TOR1AIP2: variants seen among roughly 807,000 people sequenced by gnomAD.
The protein encoded by TOR1AIP2 is torsin-1A-interacting protein 2.
In TOR1AIP2, 20 loss-of-function variants were observed where a neutral mutation model predicts 32.6. The observed-to-expected ratio is 0.61, with a 90% confidence interval of 0.43 to 0.89. The LOEUF is 0.89. Ranked by LOEUF, TOR1AIP2 falls within the 40% of genes least tolerant of loss-of-function variation. The pLI is 0.00. For missense variants in TOR1AIP2, 456 were observed against 553.8 expected, an observed-to-expected ratio of 0.82 and a Z score of 1.77; for synonymous variants, 214 against 210.8, an observed-to-expected ratio of 1.02 and a Z score of -0.13.
intron 3 of TOR1AIP2, chr1:179,861,989 G>A: frequency 4.1e-6 from 4 of 985,204 alleles, no homozygotes; most frequent in Non-Finnish European, 4.8e-6. Flanking sequence ...TACATGCCAT[G>A]GCACCCGGCA....
chr1:179,846,344 C>T lies in TOR1AIP2; in HGVS notation c.1140G>A (p.Lys380=). The part of the protein sequence containing the change: ...FPAGSTLIFY[K]YCDHENAAFK... ...AGGCAGCATTCTCATGATCACAATACTTATAGAAGATCAAAGTGGAGCCGG... is the reference window on the plus strand; with the variant it reads ...AGGCAGCATTCTCATGATCACAATATTTATAGAAGATCAAAGTGGAGCCGG... Residue 380 remains lysine, a synonymous_variant, in exon 7 of 7, where the codon AAG becomes AAA. Coordinates refer to ENST00000609928, the MANE Select transcript of TOR1AIP2 (RefSeq NM_001199260.2). The T allele has an allele frequency of 1.2e-6, 2 of 1,614,216 alleles. No homozygotes were observed. Among genetic ancestry groups the T allele is most frequent in the East Asian group, 2.2e-5 (1 of 44,896 alleles).
chr1:179,855,126 G>T (rs1339789964), intron 3 of TOR1AIP2, among the ~76,000 whole-genome samples: 1 of 152,116 alleles, frequency 6.6e-6, no homozygotes, highest in African/African-American at 2.4e-5. Flanking sequence ...AGACCTAAAT[G>T]TAAACAGCAA....
chr1:179,846,847 A>T lies in TOR1AIP2; in HGVS notation c.656-19T>A, dbSNP rs1201642130. ...ACAGGGCCTGTCAAAAGAATGAAAA[A>T]GGAATAGAAAATTACAGAGAACACG... On this transcript the variant is annotated intron_variant, in intron 6 of 6. Transcript: ENST00000609928. 5.1e-6 allele frequency: 8 copies of T among 1,563,666 alleles called. No individual in the cohort carries two copies. The highest frequency in any genetic ancestry group is 6.9e-6 in the Non-Finnish European group (8 of 1,156,368).
rs780064398 is a variant in TOR1AIP2 at position 179,841,409 on chromosome 1, G to A, written c.*4662C>T. On this transcript the variant is annotated 3_prime_UTR_variant, in exon 7 of 7. Transcript: ENST00000609928. ...TTATTGGCTTTACAAAGACATACTG[G>A]TTTATGTTTACAACTATGTTTTATT... 2.0e-5 allele frequency: 3 copies of A among 152,168 alleles called. No homozygotes were observed. Among genetic ancestry groups the A allele is most frequent in the Non-Finnish European group, 4.4e-5 (3 of 68,018 alleles). The allele number at this position is 152,168 out of a possible 1,614,324, so 9.4% of individuals were successfully genotyped here.
intron 3 of TOR1AIP2, among the ~76,000 whole-genome samples, chr1:179,855,097 A>T (rs984353610): frequency 2.0e-5 from 3 of 152,242 alleles, no homozygotes; most frequent in African/African-American, 7.2e-5. Context: ...TATTCATATA[A>T]AAATCAACTC....
At chr1:179,866,331 T>C (rs904998759) in intron 2 of TOR1AIP2, among the ~76,000 whole-genome samples, 2 of 151,390 alleles carry the variant, frequency 1.3e-5, no homozygotes, top group Admixed American at 1.3e-4. Context: ...TTGAATGAAA[T>C]CCTTTTGAAG....
chr1:179,876,097 A>G (rs1003786232), intron 2 of TOR1AIP2: 9 of 152,236 alleles, frequency 5.9e-5, no homozygotes, highest in African/African-American at 2.2e-4. Flanking sequence ...ACAACCTCAA[A>G]GTGATAAAGC....
chr1:179,846,333 T>G lies in TOR1AIP2; in HGVS notation c.1151A>C (p.His384Pro), dbSNP rs901703052. 6.2e-7 allele frequency: 1 copy of G among 1,614,230 alleles called. No homozygotes were observed. The change falls in exon 7 of 7, where the codon CAT becomes CCT. Residue 384 changes from histidine (H) to proline (P), a missense_variant. Physicochemically the swap from His to Pro is moderately conservative, Grantham distance 77. Coordinates refer to ENST00000609928, the MANE Select transcript of TOR1AIP2 (RefSeq NM_001199260.2). ...CACATCTTTAAAGGCAGCATTCTCATGATCACAATACTTATAGAAGATCAA... is the reference window on the plus strand; with the variant it reads ...CACATCTTTAAAGGCAGCATTCTCAGGATCACAATACTTATAGAAGATCAA... Reference protein sequence around the residue: ...STLIFYKYCDHENAAFKDVAL... With the variant: ...STLIFYKYCDPENAAFKDVAL...
At chr1:179,854,935 CA>C (rs1399912394) in intron 3 of TOR1AIP2, among the ~76,000 whole-genome samples, 14 of 151,964 alleles carry the variant, frequency 9.2e-5, no homozygotes, top group Admixed American at 9.2e-4. Flanking sequence ...CACGAATAGA[CA>C]AACAGTATAC....
intron 2 of TOR1AIP2, chr1:179,867,697 A>C (rs1302840634): frequency 1.3e-5 from 2 of 152,218 alleles, no homozygotes; most frequent in Non-Finnish European, 2.9e-5. Flanking sequence ...CACTCCTCCC[A>C]GAGGACTCTA....
chr1:179,845,950 T>C lies in TOR1AIP2; in HGVS notation c.*121A>G. ...AAAACTTGTTTCTAAAATAAGCTCA[T>C]CTTTGTTTTTCAGGCTATTTCCTCA... On this transcript the variant is annotated 3_prime_UTR_variant, in exon 7 of 7. Transcript: ENST00000609928. 3.4e-6 allele frequency: 3 copies of C among 874,778 alleles called. No individual in the cohort carries two copies. The highest frequency in any genetic ancestry group is 2.1e-5 in the South Asian group (1 of 47,394). 54.2% of individuals were successfully genotyped at this position (874,778 alleles called of 1,614,324 possible). A position where few individuals can be genotyped will look rare whatever the true frequency, so the allele number is the denominator to read the frequency against.
chr1:179,865,100 T>G, intron 3 of TOR1AIP2: 1 of 1,614,042 alleles, frequency 6.2e-7, no homozygotes, highest in South Asian at 1.1e-5. Context: ...TTCAGTTTGG[T>G]ACAACCAGTG....
At chr1:179,864,641 A>C (rs1696693177) in intron 3 of TOR1AIP2, 1 of 1,461,722 alleles carries the variant, frequency 6.8e-7, no homozygotes, top group East Asian at 2.3e-5. Context: ...TGTATAGGCC[A>C]CGGAAGCAGA....
At chr1:179,863,286 G>A (rs892187088) in intron 3 of TOR1AIP2, 1 of 981,222 alleles carries the variant, frequency 1.0e-6, no homozygotes, top group Non-Finnish European at 1.2e-6. Context: ...GGCCTACCCA[G>A]GCAATGCTAA....
intron 3 of TOR1AIP2, chr1:179,863,631 C>G: frequency 3.1e-6 from 3 of 977,074 alleles, no homozygotes; most frequent in Non-Finnish European, 3.6e-6. Context: ...GAGTTGGAGA[C>G]CAGCCTGGGT....
At position 179,843,548 on chromosome 1, in the gene TOR1AIP2, G is replaced by GCATTGGGTCA. The variant is rs1189919023; in HGVS notation, c.*2513_*2522dup. On this transcript the variant is annotated 3_prime_UTR_variant, in exon 7 of 7. Coordinates refer to ENST00000609928, the MANE Select transcript of TOR1AIP2 (RefSeq NM_001199260.2). Reference sequence around the variant, plus strand: ...AAAAAAAAAAGAAGTTTGGTTGGGTGCATTGGGTCACATCTGTAATCCAAA... The same window carrying GCATTGGGTCA: ...AAAAAAAAAAGAAGTTTGGTTGGGTGCATTGGGTCACATTGGGTCACATCTGTAATCCAAA... 6.6e-6 allele frequency: 1 copy of GCATTGGGTCA among 150,934 alleles called. No individual in the cohort carries two copies. The highest frequency in any genetic ancestry group is 2.4e-5 in the African/African-American group (1 of 40,904). The allele number at this position is 150,934 out of a possible 1,614,324, so 9.3% of individuals were successfully genotyped here.
At chr1:179,860,659 T>C in intron 3 of TOR1AIP2, 1 of 984,940 alleles carries the variant, frequency 1.0e-6, no homozygotes, top group Non-Finnish European at 1.2e-6. Flanking sequence ...TACACAACCT[T>C]TTTCACAGAT....
Position 179,859,231 on chromosome 1 carries a change from C to T in TOR1AIP2, c.-147+6205G>A, listed in dbSNP as rs571151512. 1.7e-5 allele frequency: 16 copies of T among 924,162 alleles called. No homozygotes were observed. The African/African-American group carries it at 2.0e-4, about 11-fold the overall frequency. The allele number at this position is 924,162 out of a possible 1,614,324, so 57.2% of individuals were successfully genotyped here. Reference sequence around the variant, plus strand: ...TATTGAGTGCCTTCTTTGTGCCAGGCATCATTCACAGCACTTTATTAACTC... The same window carrying T: ...TATTGAGTGCCTTCTTTGTGCCAGGTATCATTCACAGCACTTTATTAACTC... On this transcript the variant is annotated intron_variant, in intron 3 of 6. Transcript: ENST00000609928.
intron 3 of TOR1AIP2, chr1:179,865,132 C>A: frequency 6.2e-7 from 1 of 1,612,916 alleles, no homozygotes; most frequent in Non-Finnish European, 8.5e-7. Context: ...AACTAGGGAA[C>A]CACTGTTGTC....
Sources: gnomAD v4.1 joint callset for allele counts (sites outside exome capture counted in the v4.1 genomes callset) on GRCh38, gnomAD v4.1.1 for gene constraint, MANE v1.5 for transcripts, NCBI Gene and HGNC (gene_info 2026-07-23, HGNC 2026-07-21) for gene names.